PDE8B: variants seen among roughly 807,000 people sequenced by gnomAD.
PDE8B encodes the protein phosphodiesterase 8B, also known as high affinity cAMP-specific and IBMX-insensitive 3',5'-cyclic phosphodiesterase 8B.
A neutral mutation model predicts 101.3 loss-of-function variants in PDE8B; 26 were observed. That is an observed-to-expected ratio of 0.26 (90% CI 0.19 to 0.36). The LOEUF (loss-of-function observed/expected upper bound fraction) is 0.36, where lower values mean the gene tolerates loss of function less well. PDE8B is among the 10% of genes least tolerant of loss of function. The pLI, the probability that PDE8B is intolerant of heterozygous loss-of-function variation, is 1.00. For synonymous variants in PDE8B, 424 were observed against 429.3 expected (o/e 0.99, Z 0.15); for missense variants, 810 against 1,163.1 (o/e 0.70, Z 4.42).
chr5:77,247,632 T>G (rs1470589439), intron 1 of PDE8B, among the ~76,000 whole-genome samples: 9 of 152,002 alleles, frequency 5.9e-5, no homozygotes, highest in Admixed American at 1.3e-4. Flanking sequence ...TTCATCCTCA[T>G]GAGATCCCTG....
chr5:77,180,441 C>G, the PDE8B span: 1 of 985,390 alleles, frequency 1.0e-6, no homozygotes, highest in Non-Finnish European at 1.2e-6. Flanking sequence ...AGGAGCCGCC[C>G]GCCGCCGGCA....
Position 77,210,775 on chromosome 5 carries a change from C to T in PDE8B, c.-151C>T. 4.1e-6 allele frequency: 4 copies of T among 982,744 alleles called. No individual in the cohort carries two copies. The highest frequency in any genetic ancestry group is 4.8e-6 in the Non-Finnish European group (4 of 829,564). The allele number at this position is 982,744 out of a possible 1,614,324, so 60.9% of individuals were successfully genotyped here. Reference sequence around the variant, plus strand: ...CCCGGAGGCTCGGCGGGGGGCACCGCGGCCAGCCCGACGGAGCGGCGGACA... The same window carrying T: ...CCCGGAGGCTCGGCGGGGGGCACCGTGGCCAGCCCGACGGAGCGGCGGACA... On this transcript the variant is annotated 5_prime_UTR_variant, in exon 1 of 22. Transcript: ENST00000264917. The surrounding 1 kb of genome is among the most constrained non-coding windows in gnomAD (Gnocchi z 4.9).
chr5:77,246,489 G>A (rs1188486667), intron 1 of PDE8B, among the ~76,000 whole-genome samples: 1 of 152,152 alleles, frequency 6.6e-6, no homozygotes. Context: ...ACTTAAGAAA[G>A]GGATTTACAT....
chr5:77,209,482 A>G (rs1747815180), upstream of PDE8B, among the ~76,000 whole-genome samples: 1 of 152,210 alleles, frequency 6.6e-6, no homozygotes, highest in South Asian at 2.1e-4. Context: ...CCTTTCTTAG[A>G]CCATCTAATT....
intron 6 of PDE8B, among the ~76,000 whole-genome samples, chr5:77,342,111 A>C (rs1238983874): frequency 6.6e-6 from 1 of 152,206 alleles, no homozygotes; most frequent in Non-Finnish European, 1.5e-5. Context: ...TTGACATTTC[A>C]GGTATACTTA....
the PDE8B span, chr5:77,147,144 AT>A: frequency 2.0e-5 from 7 of 342,276 alleles, no homozygotes; most frequent in Admixed American, 1.4e-4. Context: ...GATGAAGATG[AT>A]GATGATGATG....
intron 1 of PDE8B, among the ~76,000 whole-genome samples, chr5:77,233,695 T>C (rs1445427867): frequency 6.6e-6 from 1 of 150,496 alleles, no homozygotes; most frequent in Non-Finnish European, 1.5e-5. Flanking sequence ...TGTGTGTGTG[T>C]GTGTGCAGTA....
the PDE8B span, among the ~76,000 whole-genome samples, chr5:77,157,494 G>T: frequency 6.6e-6 from 1 of 152,192 alleles, no homozygotes; most frequent in Non-Finnish European, 1.5e-5. Context: ...GAAAACATGA[G>T]GGTGGCTGTG....
At chr5:77,096,007 T>C in the PDE8B span, among the ~76,000 whole-genome samples, 1 of 152,198 alleles carries the variant, frequency 6.6e-6, no homozygotes, top group South Asian at 2.1e-4. Context: ...ACATTTTTTT[T>C]TGAGATGGAG....
the PDE8B span, among the ~76,000 whole-genome samples, chr5:77,165,976 A>AG: frequency 1.5e-5 from 1 of 68,946 alleles, no homozygotes; most frequent in South Asian, 5.1e-4. Context: ...AGACTGCCTC[A>AG]AAAAAAAAAA....
the PDE8B span, among the ~76,000 whole-genome samples, chr5:77,091,807 A>G: frequency 1.1e-4 from 16 of 152,192 alleles, no homozygotes; most frequent in Non-Finnish European, 2.4e-4. Context: ...TTGAGTGTCT[A>G]AAAGAATCCA....
chr5:77,414,097 T>C (rs534894066), intron 17 of PDE8B, among the ~76,000 whole-genome samples: 2 of 152,294 alleles, frequency 1.3e-5, no homozygotes, highest in South Asian at 4.2e-4. Flanking sequence ...TGACATTAGA[T>C]CATTTTCTTA....
At chr5:77,124,748 G>A in the PDE8B span, among the ~76,000 whole-genome samples, 3 of 152,048 alleles carry the variant, frequency 2.0e-5, no homozygotes, top group African/African-American at 7.2e-5. Flanking sequence ...AGATATAATA[G>A]CAGATTAGAC....
chr5:77,224,014 A>G (rs1001749137), intron 1 of PDE8B, among the ~76,000 whole-genome samples: 3 of 152,212 alleles, frequency 2.0e-5, no homozygotes, highest in Non-Finnish European at 2.9e-5. Flanking sequence ...CTTTGTAAAC[A>G]GTTCACTACA....
At chr5:77,182,756 CTTT>C in the PDE8B span, among the ~76,000 whole-genome samples, 3 of 141,360 alleles carry the variant, frequency 2.1e-5, no homozygotes, top group Admixed American at 7.0e-5. Flanking sequence ...ATAAGCACTG[CTTT>C]TTTTTTTTTT....
At chr5:77,207,719 T>A (rs1199281430), upstream of PDE8B, among the ~76,000 whole-genome samples, 4 of 152,176 alleles carry the variant, frequency 2.6e-5, no homozygotes, top group African/African-American at 9.7e-5. Context: ...TGGAAATGAT[T>A]TCAGTTAAAC....
Position 77,421,807 on chromosome 5 carries a change from C to T in PDE8B, c.2251-14C>T, listed in dbSNP as rs1159228527. ...CATCTTGAACCAAGCCTGATCTGACCATCTGTTTTCCAGATTGAAGGCAGC... is the reference window on the plus strand; with the variant it reads ...CATCTTGAACCAAGCCTGATCTGACTATCTGTTTTCCAGATTGAAGGCAGC... On this transcript the variant is annotated splice_polypyrimidine_tract_variant and intron_variant, in intron 19 of 21. Coordinates refer to ENST00000264917, the MANE Select transcript of PDE8B (RefSeq NM_003719.5). The T allele has an allele frequency of 1.2e-6, 2 of 1,613,328 alleles. No homozygotes were observed. The highest frequency in any genetic ancestry group is 3.3e-5 in the Admixed American group (2 of 59,942).
chr5:77,294,311 G>T (rs1385620832), intron 1 of PDE8B, among the ~76,000 whole-genome samples: 9 of 152,186 alleles, frequency 5.9e-5, no homozygotes. Flanking sequence ...GACTTCTGGG[G>T]ATCCCAGGGC....
chr5:77,404,538 T>C (rs1266082689), intron 11 of PDE8B, among the ~76,000 whole-genome samples, 182 bp from the exon 12 acceptor site: 2 of 152,252 alleles, frequency 1.3e-5, no homozygotes, highest in Admixed American at 1.3e-4. Context: ...TTAACTAATA[T>C]GACTATAATT....
Sources: allele counts gnomAD v4.1 joint callset (sites outside exome capture counted in the v4.1 genomes callset), GRCh38; gene constraint gnomAD v4.1.1; non-coding constraint Gnocchi (gnomAD v3.1); transcripts MANE v1.5; gene names NCBI Gene and HGNC (gene_info 2026-07-23, HGNC 2026-07-21).